The following SIPA1L3 variants were observed in gnomAD, a reference collection of about 807,000 sequenced individuals.
SIPA1L3 encodes signal induced proliferation associated 1 like 3.
A neutral mutation model predicts 150.1 loss-of-function variants in SIPA1L3; 59 were observed. That is an observed-to-expected ratio of 0.39 (90% CI 0.32 to 0.49). The LOEUF is 0.49. Ranked by LOEUF, SIPA1L3 falls within the 20% of genes least tolerant of loss-of-function variation. The pLI is 0.86. For synonymous variants in SIPA1L3, 1,070 were observed against 1,077.6 expected (o/e 0.99, Z 0.14); for missense variants, 2,211 against 2,489.5 (o/e 0.89, Z 2.38).
chr19:38,143,378 C>T (rs2145944371), intron 12 of SIPA1L3, among the ~76,000 whole-genome samples: 1 of 152,084 alleles, frequency 6.6e-6, no homozygotes, highest in African/African-American at 2.4e-5. Context: ...CCCCTTCCTC[C>T]TCCTCCTTGC....
chr19:38,092,191 A>G (rs973527743), intron 4 of SIPA1L3, among the ~76,000 whole-genome samples: 2 of 152,108 alleles, frequency 1.3e-5, no homozygotes, highest in African/African-American at 4.8e-5. Context: ...AGACCAGCCT[A>G]GGCACCATAG....
intron 2 of SIPA1L3, among the ~76,000 whole-genome samples, chr19:38,060,277 A>G (rs1969418666): frequency 6.6e-6 from 1 of 152,180 alleles, no homozygotes; most frequent in Non-Finnish European, 1.5e-5. Flanking sequence ...CGAGAGGTGC[A>G]TTCTAGTTTG....
In SIPA1L3 at chr19:38,014,042, C is replaced by T. The variant is rs60196229; in HGVS notation, c.-378-15047C>T. Among the ~76,000 whole-genome samples, 261 of 152,384 alleles carry T rather than the reference C, an allele frequency of 1.7e-3. 7 individuals carry two copies. The East Asian group carries it at 0.045, about 26-fold the overall frequency. ...TCTCTTCCACGTCACATGGCCTGCT[C>T]AGCCCGGCATTCTGCCTGGGAGACC... On this transcript the variant is annotated intron_variant, in intron 1 of 21. Transcript: ENST00000222345.
intron 10 of SIPA1L3, 25 bp downstream of exon 10, chr19:38,130,797 G>T (rs765728357): frequency 6.4e-7 from 1 of 1,571,734 alleles, no homozygotes; most frequent in Admixed American, 1.7e-5. Context: ...CTTTCAGCCA[G>T]GTGGTGGGTG....
intron 6 of SIPA1L3, among the ~76,000 whole-genome samples, chr19:38,105,579 T>A (rs1970604123): frequency 6.6e-6 from 1 of 152,142 alleles, no homozygotes; most frequent in African/African-American, 2.4e-5. Context: ...ATGATAACCA[T>A]TTCTTTGCTT....
chr19:38,193,921 G>A, intron 18 of SIPA1L3, 141 bp downstream of exon 18: 3 of 960,772 alleles, frequency 3.1e-6, no homozygotes, highest in South Asian at 3.9e-5. Context: ...GGGGTTCACA[G>A]GAACTTCGGG....
intron 1 of SIPA1L3, among the ~76,000 whole-genome samples, chr19:38,005,346 G>A (rs1432621744): frequency 3.5e-5 from 5 of 143,476 alleles, no homozygotes; most frequent in Admixed American, 3.5e-4. Flanking sequence ...CCTGCCACCC[G>A]CCCCCACTCC....
At chr19:38,147,259 C>T (rs1341963823) in intron 12 of SIPA1L3, among the ~76,000 whole-genome samples, 2 of 152,082 alleles carry the variant, frequency 1.3e-5, no homozygotes, top group Non-Finnish European at 2.9e-5. Flanking sequence ...CAGGGTTTCA[C>T]CATGTTGGCC....
intron 4 of SIPA1L3, among the ~76,000 whole-genome samples, chr19:38,093,974 G>A (rs1970321281): frequency 6.6e-6 from 1 of 152,210 alleles, no homozygotes; most frequent in Non-Finnish European, 1.5e-5. Flanking sequence ...AACCAGCCAG[G>A]AACTGTGTGG....
At chr19:38,110,429 G>A (rs1156331681) in intron 8 of SIPA1L3, 45 bp downstream of exon 8, 14 of 1,576,148 alleles carry the variant, frequency 8.9e-6, no homozygotes, top group African/African-American at 1.3e-5. Context: ...GGAGAGAGGG[G>A]CAGGCAGCTG....
intron 12 of SIPA1L3, among the ~76,000 whole-genome samples, chr19:38,144,971 G>T (rs1971673263): frequency 6.6e-6 from 1 of 152,152 alleles, no homozygotes; most frequent in Non-Finnish European, 1.5e-5. Flanking sequence ...GAACAAGCAG[G>T]ATGCTGTGAA....
intron 2 of SIPA1L3, among the ~76,000 whole-genome samples, chr19:38,079,143 T>C (rs902228474): frequency 6.6e-6 from 1 of 152,184 alleles, no homozygotes; most frequent in African/African-American, 2.4e-5. Context: ...CCATCCTGGC[T>C]AACACGGTGA....
chr19:37,964,830 A>G (rs1404789344), intron 1 of SIPA1L3: 1 of 152,146 alleles, frequency 6.6e-6, no homozygotes, highest in Admixed American at 6.6e-5. Context: ...ATATCATAAA[A>G]TAGACTCGGG....
rs1358976675 is a variant in SIPA1L3, at chr19:38,047,228, A to C, written c.-311+18072A>C. ...TGCCAGCCTGTTCTCCCCCGCCGAC[A>C]CACACGCACGCACACACGCACGCAC... is the stretch of plus-strand genomic sequence containing the variant. On this transcript the variant is annotated intron_variant, in intron 2 of 21. Coordinates refer to ENST00000222345, the MANE Select transcript of SIPA1L3 (RefSeq NM_015073.3). The surrounding 1 kb of genome is among the most constrained non-coding windows in gnomAD (Gnocchi z 4.7). 1.3e-5 allele frequency among the ~76,000 whole-genome samples: 2 copies of C among 152,026 alleles called. No individual in the cohort carries two copies. The highest frequency in any genetic ancestry group is 2.1e-4 in the South Asian group (1 of 4,822).
chr19:37,973,322 C>T (rs907523017), intron 1 of SIPA1L3, among the ~76,000 whole-genome samples: 15 of 150,758 alleles, frequency 9.9e-5, no homozygotes, highest in African/African-American at 3.2e-4. Flanking sequence ...CTGCAACCTC[C>T]GCTTCCTGGG....
chr19:38,153,106 G>C (rs1054947494), intron 13 of SIPA1L3, 139 bp downstream of exon 13: 15 of 1,119,048 alleles, frequency 1.3e-5, no homozygotes, highest in Non-Finnish European at 1.6e-5. Flanking sequence ...CCACATGTAA[G>C]ACTAGAGAGG....
chr19:38,052,377 C>T (rs75008414), intron 2 of SIPA1L3, among the ~76,000 whole-genome samples: 5 of 152,312 alleles, frequency 3.3e-5, no homozygotes, highest in East Asian at 1.9e-4. Flanking sequence ...AGCTGAAGGG[C>T]GCAAGGAGTA....
At chr19:37,921,646 C>T (rs1049330452) in intron 1 of SIPA1L3, among the ~76,000 whole-genome samples, 1 of 151,326 alleles carries the variant, frequency 6.6e-6, no homozygotes, top group African/African-American at 2.4e-5. Context: ...TTTCACCCAG[C>T]CTGGAGTGCA....
intron 2 of SIPA1L3, among the ~76,000 whole-genome samples, chr19:38,051,185 A>C (rs1969190053): frequency 6.6e-6 from 1 of 152,248 alleles, no homozygotes; most frequent in Admixed American, 6.5e-5. Flanking sequence ...CATAGGTTTT[A>C]ATGTGACGTG....
Sources: gnomAD v4.1 joint callset for allele counts (sites outside exome capture counted in the v4.1 genomes callset) on GRCh38, gnomAD v4.1.1 for gene constraint, Gnocchi (gnomAD v3.1) non-coding constraint, MANE v1.5 for transcripts, NCBI Gene and HGNC (gene_info 2026-07-23, HGNC 2026-07-21) for gene names.